The following RPS6KC1 variants were observed in gnomAD, a reference collection of about 807,000 sequenced individuals.
RPS6KC1 encodes inactive ribosomal protein S6 kinase delta-1.
In RPS6KC1, 54 loss-of-function variants were observed where a neutral mutation model predicts 103.8. The observed-to-expected ratio is 0.52, with a 90% CI of 0.42 to 0.65. The LOEUF (loss-of-function observed/expected upper bound fraction) is 0.65. Ranked by LOEUF, RPS6KC1 falls within the 30% of genes least tolerant of loss-of-function variation. The probability of loss-of-function intolerance (pLI) is 0.00; values close to 1 mark genes in which losing one functional copy is unlikely to be tolerated. For missense variants in RPS6KC1, 1,151 were observed against 1,253.8 expected (o/e 0.92, Z 1.24); for synonymous variants, 439 against 438.7 (o/e 1.00, Z -0.01).
the RPS6KC1 span, among the ~76,000 whole-genome samples, chr1:213,346,702 TATC>T: frequency 1.3e-5 from 2 of 152,160 alleles, no homozygotes; most frequent in Admixed American, 1.3e-4. Flanking sequence ...AAATGACAAA[TATC>T]ATACTGTTTA....
the RPS6KC1 span, among the ~76,000 whole-genome samples, chr1:213,570,368 C>T: frequency 6.6e-6 from 1 of 152,102 alleles, no homozygotes; most frequent in Admixed American, 6.5e-5. Flanking sequence ...GGGAGCATTC[C>T]ACCCTGATAA....
chr1:213,154,172 C>A (rs1384648465), intron 6 of RPS6KC1, among the ~76,000 whole-genome samples: 1 of 146,438 alleles, frequency 6.8e-6, no homozygotes, highest in African/African-American at 2.6e-5. Context: ...CCCCTGGGGC[C>A]ACCACCACTA....
chr1:213,773,752 C>T, the RPS6KC1 span, among the ~76,000 whole-genome samples: 1 of 152,032 alleles, frequency 6.6e-6, no homozygotes, highest in Non-Finnish European at 1.5e-5. Flanking sequence ...TGTGATTAAG[C>T]CTTCCATTGA....
intron 5 of RPS6KC1, among the ~76,000 whole-genome samples, chr1:213,125,142 A>T (rs1246631553): frequency 1.3e-5 from 2 of 152,100 alleles, no homozygotes; most frequent in African/African-American, 2.4e-5. Context: ...ATATTATTAA[A>T]TTCTATATTA....
At chr1:213,467,238 G>T in the RPS6KC1 span, among the ~76,000 whole-genome samples, 1 of 152,290 alleles carries the variant, frequency 6.6e-6, no homozygotes, top group East Asian at 1.9e-4. Context: ...TGGAATTCTA[G>T]TGACCAAGCA....
intron 1 of RPS6KC1, among the ~76,000 whole-genome samples, chr1:213,055,398 T>C (rs1220525891): frequency 6.6e-6 from 1 of 152,228 alleles, no homozygotes; most frequent in Non-Finnish European, 1.5e-5. Flanking sequence ...TGTGTTTCAT[T>C]CCCTTTTATT....
intron 12 of RPS6KC1, among the ~76,000 whole-genome samples, chr1:213,257,149 C>G (rs1312919896): frequency 6.6e-6 from 1 of 152,186 alleles, no homozygotes; most frequent in African/African-American, 2.4e-5. Flanking sequence ...AGAACACACT[C>G]TCCCTCGGCC....
At chr1:213,394,351 C>T in the RPS6KC1 span, among the ~76,000 whole-genome samples, 2 of 152,064 alleles carry the variant, frequency 1.3e-5, no homozygotes, top group African/African-American at 2.4e-5. Context: ...TCGGCCATGG[C>T]GAGGGAGTAT....
At chr1:213,845,819 C>T in the RPS6KC1 span, among the ~76,000 whole-genome samples, 1 of 152,060 alleles carries the variant, frequency 6.6e-6, no homozygotes, top group Non-Finnish European at 1.5e-5. Context: ...ATAATAATAC[C>T]TGCCTCATAG....
At chr1:213,565,187 A>T in the RPS6KC1 span, among the ~76,000 whole-genome samples, 1 of 151,850 alleles carries the variant, frequency 6.6e-6, no homozygotes, top group African/African-American at 2.4e-5. Flanking sequence ...GTAAAATTGT[A>T]TAACAAATTT....
At chr1:213,374,067 A>G in the RPS6KC1 span, among the ~76,000 whole-genome samples, 1 of 152,346 alleles carries the variant, frequency 6.6e-6, no homozygotes, top group African/African-American at 2.4e-5. Context: ...GAGCAAACAT[A>G]AAGCCAGGAT....
At chr1:213,629,097 G>T in the RPS6KC1 span, among the ~76,000 whole-genome samples, 1 of 152,146 alleles carries the variant, frequency 6.6e-6, no homozygotes, top group Non-Finnish European at 1.5e-5. Context: ...TGTCTATTAG[G>T]TCTGCTTGGT....
chr1:213,109,833 T>C (rs2082843993), intron 4 of RPS6KC1, among the ~76,000 whole-genome samples: 1 of 148,072 alleles, frequency 6.8e-6, no homozygotes, highest in African/African-American at 2.5e-5. Flanking sequence ...GGTGGGAAGT[T>C]TTTTTTTTTT....
At chr1:213,200,668 G>T (rs1335959803) in intron 8 of RPS6KC1, among the ~76,000 whole-genome samples, 1 of 152,108 alleles carries the variant, frequency 6.6e-6, no homozygotes, top group East Asian at 1.9e-4. Context: ...ACTTTAAACT[G>T]CACAGCAAAA....
In RPS6KC1 at chr1:213,150,066, A is replaced by G. The variant is rs74625359; in HGVS notation, c.836-17792A>G. 4.2e-3 allele frequency among the ~76,000 whole-genome samples: 637 copies of G among 152,250 alleles called. 3 individuals are homozygous for G. Among genetic ancestry groups the G allele is most frequent in the African/African-American group, 0.013 (535 of 41,550 alleles). The stretch of plus-strand genomic sequence containing the variant: ...AGGTGAAGTGTGTTTCTTGTAGGCA[A>G]CAGACTAATGGGTCTTGTTTTTTCA... On this transcript the variant is annotated intron_variant, in intron 6 of 14. Coordinates refer to ENST00000366960, the MANE Select transcript of RPS6KC1 (RefSeq NM_012424.6).
At chr1:213,331,383 A>C in the RPS6KC1 span, among the ~76,000 whole-genome samples, 1 of 152,220 alleles carries the variant, frequency 6.6e-6, no homozygotes, top group Non-Finnish European at 1.5e-5. Flanking sequence ...AACCAAGATT[A>C]AGAAATGAAA....
At chr1:213,837,041 G>A in the RPS6KC1 span, among the ~76,000 whole-genome samples, 1 of 152,154 alleles carries the variant, frequency 6.6e-6, no homozygotes, top group Admixed American at 6.6e-5. Context: ...TTTATGGTTT[G>A]TTTGTTTTTT....
At chr1:213,309,064 G>A in the RPS6KC1 span, among the ~76,000 whole-genome samples, 1 of 152,112 alleles carries the variant, frequency 6.6e-6, no homozygotes, top group Non-Finnish European at 1.5e-5. Flanking sequence ...GGCCGAGGTG[G>A]GTGGATCACG....
At chr1:213,180,397 A>C (rs1239756183) in intron 8 of RPS6KC1, among the ~76,000 whole-genome samples, 3 of 152,226 alleles carry the variant, frequency 2.0e-5, no homozygotes, top group Non-Finnish European at 4.4e-5. Context: ...AAATTAGTAC[A>C]AATTCAAGAG....
Sources: allele counts gnomAD v4.1 joint callset (sites outside exome capture counted in the v4.1 genomes callset), GRCh38; gene constraint gnomAD v4.1.1; transcripts MANE v1.5; gene names NCBI Gene and HGNC (gene_info 2026-07-23, HGNC 2026-07-21).